The following SPAG16 variants were observed in gnomAD, a reference collection of about 807,000 sequenced individuals.
The protein encoded by SPAG16 is sperm-associated antigen 16 protein.
In SPAG16, 86 loss-of-function variants were observed where a neutral mutation model predicts 80.4. That is an observed-to-expected ratio of 1.07 (90% CI 0.90 to 1.28). SPAG16 has a LOEUF of 1.28. Ranked by LOEUF, SPAG16 falls within the 50% of genes most tolerant of loss-of-function variation. The pLI is 0.00. For synonymous variants in SPAG16, 294 were observed against 265.9 expected (o/e 1.11, Z -1.03); for missense variants, 870 against 765.3 (o/e 1.14, Z -1.61).
At chr2:214,109,124 G>T (rs1373632723) in intron 14 of SPAG16, among the ~76,000 whole-genome samples, 1 of 152,096 alleles carries the variant, frequency 6.6e-6, no homozygotes, top group Non-Finnish European at 1.5e-5. Context: ...CAGCACAAAG[G>T]CCTTCATGAA....
chr2:213,310,467 A>G lies in SPAG16; in HGVS notation c.398+290A>G, dbSNP rs889265017. On this transcript the variant is annotated intron_variant, in intron 4 of 15. Transcript: ENST00000331683. ...TTTTAAAAAATCAAGACACTTGAAT[A>G]TCTCCTGGAGTTATAAAACACAAAG... is the stretch of plus-strand genomic sequence containing the variant. Among the ~76,000 whole-genome samples the G allele has an allele frequency of 2.6e-5, 4 of 152,104 alleles. No homozygotes were observed. The East Asian group carries it at 7.7e-4, about 29-fold the overall frequency.
intron 12 of SPAG16, among the ~76,000 whole-genome samples, chr2:213,979,208 A>G (rs938530120): frequency 6.6e-6 from 1 of 151,984 alleles, no homozygotes; most frequent in Non-Finnish European, 1.5e-5. Flanking sequence ...CTACTACACT[A>G]CAACTTCTGG....
At chr2:213,431,023 A>G (rs2070261064) in intron 9 of SPAG16, among the ~76,000 whole-genome samples, 1 of 152,228 alleles carries the variant, frequency 6.6e-6, no homozygotes, top group African/African-American at 2.4e-5. Flanking sequence ...AGACAAGCAA[A>G]CACTGAGGAA....
At chr2:213,519,488 C>A (rs748170137) in intron 10 of SPAG16, among the ~76,000 whole-genome samples, 1 of 152,166 alleles carries the variant, frequency 6.6e-6, no homozygotes, top group Admixed American at 6.5e-5. Flanking sequence ...CCTGCAAAAG[C>A]TCTTTGCCTG....
chr2:214,177,973 A>ATG (rs1311116061), intron 15 of SPAG16, among the ~76,000 whole-genome samples: 4 of 6,462 alleles, frequency 6.2e-4, no homozygotes, highest in Non-Finnish European at 1.4e-3. Context: ...AAGTGTATGT[A>ATG]TATATATATA....
chr2:213,888,863 G>T (rs2076668565), intron 11 of SPAG16, among the ~76,000 whole-genome samples: 2 of 151,922 alleles, frequency 1.3e-5, no homozygotes, highest in Non-Finnish European at 1.5e-5. Flanking sequence ...TCCTACAAGG[G>T]ATAAAAATGC....
intron 12 of SPAG16, among the ~76,000 whole-genome samples, chr2:213,985,114 CTT>C (rs2045940326): frequency 6.6e-6 from 1 of 152,010 alleles, no homozygotes; most frequent in Non-Finnish European, 1.5e-5. Flanking sequence ...TGTACTCTGT[CTT>C]ACTGCTTAGA....
chr2:213,656,794 T>C (rs2063239218), intron 10 of SPAG16, among the ~76,000 whole-genome samples: 1 of 152,210 alleles, frequency 6.6e-6, no homozygotes, highest in African/African-American at 2.4e-5. Context: ...TGCTTCAAAA[T>C]TGACAGTTTA....
At chr2:213,464,129 C>T (rs1432961903) in intron 9 of SPAG16, among the ~76,000 whole-genome samples, 3 of 152,142 alleles carry the variant, frequency 2.0e-5, no homozygotes, top group Non-Finnish European at 4.4e-5. Flanking sequence ...TTAATCAAAT[C>T]AAAGGTTACA....
intron 10 of SPAG16, among the ~76,000 whole-genome samples, chr2:213,672,988 G>T (rs944612148): frequency 6.6e-6 from 1 of 151,898 alleles, no homozygotes; most frequent in Non-Finnish European, 1.5e-5. Context: ...CAATGATCAG[G>T]TCTTTAACTT....
At chr2:213,765,190 G>GT (rs2068868716) in intron 10 of SPAG16, among the ~76,000 whole-genome samples, 1 of 152,172 alleles carries the variant, frequency 6.6e-6, no homozygotes, top group African/African-American at 2.4e-5. Flanking sequence ...CCAACACGGT[G>GT]AAACCACGTC....
intron 10 of SPAG16, among the ~76,000 whole-genome samples, chr2:213,739,191 T>A (rs1011935110): frequency 1.3e-5 from 2 of 152,214 alleles, no homozygotes; most frequent in African/African-American, 4.8e-5. Flanking sequence ...TCAGATTATT[T>A]ATTTCCCACG....
intron 10 of SPAG16, among the ~76,000 whole-genome samples, chr2:213,701,991 A>G (rs941744599): frequency 2.0e-5 from 3 of 152,184 alleles, no homozygotes; most frequent in East Asian, 3.9e-4. Context: ...AAATGCACCA[A>G]TCAGCACTTT....
At chr2:214,058,551 T>C (rs1191077828) in intron 13 of SPAG16, among the ~76,000 whole-genome samples, 1 of 152,168 alleles carries the variant, frequency 6.6e-6, no homozygotes. Context: ...ACTGTGAGAA[T>C]TACCAAAATG....
intron 10 of SPAG16, among the ~76,000 whole-genome samples, chr2:213,811,959 T>C (rs2072186088): frequency 6.6e-6 from 1 of 151,904 alleles, no homozygotes; most frequent in Admixed American, 6.6e-5. Flanking sequence ...CAGAAAGAGA[T>C]AATACATAAT....
chr2:213,483,911 AAG>A (rs1229377997), intron 9 of SPAG16, among the ~76,000 whole-genome samples: 86 of 152,324 alleles, frequency 5.6e-4, no homozygotes, highest in African/African-American at 2.0e-3. Context: ...TGTGCATACT[AAG>A]AAAACATAAA....
intron 5 of SPAG16, chr2:213,317,832 G>A: frequency 4.6e-6 from 3 of 653,004 alleles, no homozygotes; most frequent in Non-Finnish European, 5.7e-6. Flanking sequence ...GTTAACAAAT[G>A]TATCCCTCTG....
At chr2:213,914,939 A>T (rs549950910) in intron 11 of SPAG16, among the ~76,000 whole-genome samples, 14 of 152,250 alleles carry the variant, frequency 9.2e-5, no homozygotes, top group African/African-American at 3.4e-4. Flanking sequence ...GTAGTGTATT[A>T]GCCTATTCTC....
intron 15 of SPAG16, among the ~76,000 whole-genome samples, chr2:214,213,789 C>T (rs919751050): frequency 1.3e-5 from 2 of 152,170 alleles, no homozygotes; most frequent in Non-Finnish European, 2.9e-5. Flanking sequence ...ACTACTATCT[C>T]CTCAAAATAG....
Sources: allele counts gnomAD v4.1 joint callset (sites outside exome capture counted in the v4.1 genomes callset), GRCh38; gene constraint gnomAD v4.1.1; transcripts MANE v1.5; gene names NCBI Gene and HGNC (gene_info 2026-07-23, HGNC 2026-07-21).